The following PRKCB variants were observed in gnomAD, a reference collection of about 807,000 sequenced individuals.
PRKCB encodes the protein protein kinase C beta, also known as protein kinase C beta type.
In PRKCB, 13 loss-of-function variants were observed where a neutral mutation model predicts 81.5. The observed-to-expected ratio is 0.16, with a 90% CI of 0.10 to 0.25. PRKCB has a LOEUF of 0.25. Among genes scored for constraint, PRKCB ranks in the 10% least tolerant of loss-of-function variants. The pLI, the probability that PRKCB is intolerant of heterozygous loss-of-function variation, is 1.00. For synonymous variants in PRKCB, 335 were observed against 321.4 expected (o/e 1.04, Z -0.45); for missense variants, 509 against 875.7 (o/e 0.58, Z 5.29).
At chr16:23,917,341 G>T (rs1349502533) in intron 2 of PRKCB, among the ~76,000 whole-genome samples, 1 of 152,128 alleles carries the variant, frequency 6.6e-6, no homozygotes, top group African/African-American at 2.4e-5. Flanking sequence ...CCTCCCAAAG[G>T]GTTGGGATTA....
intron 3 of PRKCB, among the ~76,000 whole-genome samples, chr16:23,989,478 G>C (rs1405900075): frequency 1.3e-5 from 2 of 152,106 alleles, no homozygotes; most frequent in African/African-American, 4.8e-5. Flanking sequence ...CTGCTAGTGG[G>C]ACAAGAGATG....
intron 5 of PRKCB, among the ~76,000 whole-genome samples, chr16:24,060,212 G>T (rs1022717310): frequency 6.6e-6 from 1 of 152,156 alleles, no homozygotes. Context: ...GGGACTTTGG[G>T]CAAGTTAATG....
chr16:23,965,640 C>T (rs1964477522), intron 2 of PRKCB, among the ~76,000 whole-genome samples: 1 of 152,214 alleles, frequency 6.6e-6, no homozygotes, highest in Non-Finnish European at 1.5e-5. Flanking sequence ...AGGAAAGTGC[C>T]TCATCAAAAT....
chr16:24,073,206 A>G (rs1966135933), intron 5 of PRKCB, among the ~76,000 whole-genome samples: 1 of 152,346 alleles, frequency 6.6e-6, no homozygotes, highest in South Asian at 2.1e-4. Flanking sequence ...CGCTTGCTAA[A>G]TATTTTGACT....
At chr16:23,886,418 T>TTTTTTG (rs1963203397) in intron 2 of PRKCB, among the ~76,000 whole-genome samples, 1 of 141,164 alleles carries the variant, frequency 7.1e-6, no homozygotes, top group Admixed American at 7.1e-5. Context: ...TTTTTTTTTT[T>TTTTTTG]TTTTTTTTTT....
chr16:23,990,464 A>C (rs1482126692), intron 3 of PRKCB, among the ~76,000 whole-genome samples: 1 of 151,556 alleles, frequency 6.6e-6, no homozygotes, highest in Non-Finnish European at 1.5e-5. Context: ...TCTCGAAAAA[A>C]AAGAAAAAAA....
At chr16:23,838,862 C>G (rs531645109) in intron 2 of PRKCB, among the ~76,000 whole-genome samples, 2 of 152,326 alleles carry the variant, frequency 1.3e-5, no homozygotes, top group South Asian at 4.1e-4. Flanking sequence ...CTGCACCACA[C>G]CAGAGGACTC....
chr16:24,068,478 A>G (rs1191848253), intron 5 of PRKCB, among the ~76,000 whole-genome samples: 7 of 118,762 alleles, frequency 5.9e-5, no homozygotes, highest in Admixed American at 2.4e-4. Context: ...GGCCCAAAGG[A>G]AAAAAAAAAA....
intron 2 of PRKCB, among the ~76,000 whole-genome samples, chr16:23,848,349 G>T (rs1962413897): frequency 6.6e-6 from 1 of 152,190 alleles, no homozygotes; most frequent in Non-Finnish European, 1.5e-5. Flanking sequence ...TGGAAGTCAG[G>T]CAGGAGAAAC....
At chr16:23,934,498 A>T (rs1964030715) in intron 2 of PRKCB, among the ~76,000 whole-genome samples, 1 of 152,204 alleles carries the variant, frequency 6.6e-6, no homozygotes, top group African/African-American at 2.4e-5. Flanking sequence ...CCTTCAGGGG[A>T]TAAGTATTAT....
At chr16:24,166,929 C>T (rs1272337604) in intron 10 of PRKCB, among the ~76,000 whole-genome samples, 6 of 152,020 alleles carry the variant, frequency 3.9e-5, no homozygotes, top group African/African-American at 4.8e-5. Context: ...TACAGTGGAG[C>T]GATCCCCTGA....
chr16:24,113,972 T>C (rs1966708329), intron 8 of PRKCB, among the ~76,000 whole-genome samples: 1 of 151,756 alleles, frequency 6.6e-6, no homozygotes, highest in Non-Finnish European at 1.5e-5. Flanking sequence ...ATTCCAGCAC[T>C]TTGGGAAGCT....
chr16:23,897,520 A>G (rs1963399070), intron 2 of PRKCB, among the ~76,000 whole-genome samples: 1 of 152,228 alleles, frequency 6.6e-6, no homozygotes, highest in Non-Finnish European at 1.5e-5. Context: ...AGTGGCTGGA[A>G]CCCTAACCAA....
chr16:24,027,451 T>C (rs1395052569), intron 3 of PRKCB, among the ~76,000 whole-genome samples: 1 of 152,100 alleles, frequency 6.6e-6, no homozygotes, highest in Non-Finnish European at 1.5e-5. Flanking sequence ...CCCTTAGTTT[T>C]TTGGGGGGTG....
intron 3 of PRKCB, among the ~76,000 whole-genome samples, chr16:24,018,604 C>T (rs1965317131): frequency 6.6e-6 from 1 of 152,168 alleles, no homozygotes; most frequent in South Asian, 2.1e-4. Flanking sequence ...AGATCTTAAC[C>T]CAGGAAATGG....
At position 24,035,567 on chromosome 16, in the gene PRKCB, C is replaced by T; in HGVS notation, c.529+20C>T. 6.2e-7 allele frequency: 1 copy of T among 1,610,344 alleles called. No homozygotes were observed. The highest frequency in any genetic ancestry group is 8.5e-7 in the Non-Finnish European group (1 of 1,178,216). On this transcript the variant is annotated intron_variant, in intron 5 of 16. Coordinates refer to ENST00000643927, the MANE Select transcript of PRKCB (RefSeq NM_002738.7). ...TCCTCGGTAGGTGGCCCTGGGGCTC[C>T]ACTGGCTCCTGACCTTGCTTGACCT... is the stretch of plus-strand genomic sequence containing the variant.
At chr16:24,143,701 A>T (rs1303555494) in intron 9 of PRKCB, among the ~76,000 whole-genome samples, 2 of 151,906 alleles carry the variant, frequency 1.3e-5, no homozygotes, top group East Asian at 1.9e-4. Flanking sequence ...TTTACAGAAG[A>T]CTCACTTGTT....
chr16:24,176,081 G>A (rs188714239), intron 12 of PRKCB, among the ~76,000 whole-genome samples: 2 of 152,066 alleles, frequency 1.3e-5, no homozygotes, highest in Non-Finnish European at 2.9e-5. Flanking sequence ...ATGGGAAGTG[G>A]GGACCTTGTC....
At chr16:24,030,324 G>A (rs534179967) in intron 3 of PRKCB, among the ~76,000 whole-genome samples, 1 of 152,130 alleles carries the variant, frequency 6.6e-6, no homozygotes, top group South Asian at 2.1e-4. Context: ...AAAGGGCATG[G>A]TCTGTTTGGG....
Sources: gnomAD v4.1 joint callset for allele counts (sites outside exome capture counted in the v4.1 genomes callset) on GRCh38, gnomAD v4.1.1 for gene constraint, MANE v1.5 for transcripts, NCBI Gene and HGNC (gene_info 2026-07-23, HGNC 2026-07-21) for gene names.